TPST2: variants seen among roughly 807,000 people sequenced by gnomAD.
The protein encoded by TPST2 is tyrosylprotein sulfotransferase 2.
TPST2 carries 16 observed loss-of-function variants against 27.8 expected under a neutral mutation model. The observed-to-expected ratio is 0.58, with a 90% CI of 0.39 to 0.88. The LOEUF (loss-of-function observed/expected upper bound fraction) is 0.88, where lower values mean the gene tolerates loss of function less well. Among genes scored for constraint, TPST2 ranks in the 40% least tolerant of loss-of-function variants. The pLI is 0.00. For synonymous variants in TPST2, 229 were observed against 231.7 expected (o/e 0.99, Z 0.10); for missense variants, 464 against 543.1 (o/e 0.85, Z 1.45).
chr22:26,560,916 G>C, intron 1 of TPST2: 1 of 1,607,524 alleles, frequency 6.2e-7, no homozygotes, highest in Non-Finnish European at 8.5e-7. Context: ...GAAACTGGGA[G>C]AGATGTGGAA....
intron 1 of TPST2, chr22:26,555,321 C>T (rs769059822): frequency 3.9e-6 from 2 of 511,782 alleles, no homozygotes; most frequent in South Asian, 1.4e-5. Context: ...TCACTGGCTG[C>T]CCACCTGGGC....
chr22:26,531,977 C>G (rs960773943), intron 5 of TPST2, among the ~76,000 whole-genome samples: 3 of 152,140 alleles, frequency 2.0e-5, no homozygotes, highest in African/African-American at 2.4e-5. Context: ...CTACAAAAAA[C>G]ACAAAAATTA....
chr22:26,538,898 G>A (rs1352734992), intron 3 of TPST2, among the ~76,000 whole-genome samples: 1 of 152,118 alleles, frequency 6.6e-6, no homozygotes, highest in Non-Finnish European at 1.5e-5. Flanking sequence ...ACACCACCGT[G>A]GAAAAAGGCT....
In TPST2 at chr22:26,523,327, G is replaced by C. The variant is rs184048069; in HGVS notation, c.*2948C>G. 5 of 152,306 alleles carry C rather than the reference G, an allele frequency of 3.3e-5. No individual in the cohort carries two copies. Among genetic ancestry groups the C allele is most frequent in the Admixed American group, 3.3e-4 (5 of 15,294 alleles). The allele number at this position is 152,306 out of a possible 1,614,324, so 9.4% of individuals were successfully genotyped here. On this transcript the variant is annotated 3_prime_UTR_variant, in exon 7 of 7. Transcript: ENST00000338754. Reference sequence around the variant, plus strand: ...AAAAATTTAAAGTCTGGAAGACTATGTACAAACAGAAAATGGTAGCATTAC... The same window carrying C: ...AAAAATTTAAAGTCTGGAAGACTATCTACAAACAGAAAATGGTAGCATTAC...
chr22:26,578,641 A>C (rs1204898824), intron 1 of TPST2, among the ~76,000 whole-genome samples: 1 of 152,118 alleles, frequency 6.6e-6, no homozygotes, highest in Non-Finnish European at 1.5e-5. Flanking sequence ...CCCATCTCTC[A>C]GAAGTCGGTG....
At chr22:26,556,315 G>C (rs1269409664) in intron 1 of TPST2, among the ~76,000 whole-genome samples, 1 of 152,076 alleles carries the variant, frequency 6.6e-6, no homozygotes, top group East Asian at 1.9e-4. Context: ...GAGGTGGGCG[G>C]ATCACCTGAG....
chr22:26,528,320 G>T, intron 5 of TPST2, 58 bp from the exon 6 acceptor site: 2 of 1,539,490 alleles, frequency 1.3e-6, no homozygotes, highest in Non-Finnish European at 1.8e-6. Flanking sequence ...ATGCCTTGCT[G>T]TATTGAGGGT....
intron 1 of TPST2, among the ~76,000 whole-genome samples, chr22:26,574,702 C>T (rs1339143083): frequency 6.6e-6 from 1 of 152,134 alleles, no homozygotes; most frequent in Non-Finnish European, 1.5e-5. Flanking sequence ...GAGGAAAAGG[C>T]GACAGTGAGC....
At chr22:26,589,592 T>C (rs1928473526) in intron 1 of TPST2, among the ~76,000 whole-genome samples, 1 of 152,030 alleles carries the variant, frequency 6.6e-6, no homozygotes. Flanking sequence ...CCCCAACGCC[T>C]CCACTTCTGA....
chr22:26,583,037 G>A (rs867587333), intron 1 of TPST2, among the ~76,000 whole-genome samples: 8 of 148,674 alleles, frequency 5.4e-5, no homozygotes, highest in East Asian at 2.0e-4. Flanking sequence ...GCTTGAGCCT[G>A]GGAGGCAGAG....
In TPST2 at chr22:26,536,297, G is replaced by A. The variant is rs148351395; in HGVS notation, c.1032C>T (p.Asn344=). The A allele has an allele frequency of 2.5e-6, 4 of 1,614,084 alleles. No individual in the cohort carries two copies. The highest frequency in any genetic ancestry group is 2.2e-5 in the East Asian group (1 of 44,888). Residue 344 remains asparagine, a synonymous_variant, in exon 4 of 7, where the codon AAC becomes AAT. Coordinates refer to ENST00000338754, the MANE Select transcript of TPST2 (RefSeq NM_003595.5). ...YGNPDPFVIN[N]TQRVLKGDYK... is the part of the protein sequence containing the mutation. The stretch of plus-strand genomic sequence containing the variant: ...ACAGGTGCACACTCACCCGCTGTGT[G>A]TTGTTGATGACGAAGGGGTCAGGGT...
Position 26,525,656 on chromosome 22 carries a change from T to G in TPST2, c.*619A>C, listed in dbSNP as rs911285563. 1 of 152,270 alleles carries G rather than the reference T, an allele frequency of 6.6e-6. No homozygotes were observed. Among genetic ancestry groups the G allele is most frequent in the African/African-American group, 2.4e-5 (1 of 41,460 alleles). 9.4% of individuals were successfully genotyped at this position (152,270 alleles called of 1,614,324 possible). On this transcript the variant is annotated 3_prime_UTR_variant, in exon 7 of 7. Coordinates refer to ENST00000338754, the MANE Select transcript of TPST2 (RefSeq NM_003595.5). ...GGACCCTGACACAGGAATTCAGCTG[T>G]GCCTTACATGCACCTATATTCTCCA...
chr22:26,552,396 G>A (rs995177868), intron 1 of TPST2, among the ~76,000 whole-genome samples: 10 of 152,148 alleles, frequency 6.6e-5, no homozygotes, highest in African/African-American at 1.9e-4. Flanking sequence ...ACGTTTTACC[G>A]AAGGGGAAAC....
At chr22:26,574,085 G>A (rs1463601966) in intron 1 of TPST2, among the ~76,000 whole-genome samples, 1 of 152,166 alleles carries the variant, frequency 6.6e-6, no homozygotes, top group Non-Finnish European at 1.5e-5. Context: ...TAATGGTGCA[G>A]GGCTTTGGGG....
intron 1 of TPST2, among the ~76,000 whole-genome samples, chr22:26,547,860 G>A (rs1926210658): frequency 6.6e-6 from 1 of 152,196 alleles, no homozygotes; most frequent in Admixed American, 6.5e-5. Flanking sequence ...TACTCGGGTG[G>A]TAGGTGATAT....
At chr22:26,532,638 C>T in intron 5 of TPST2, 57 bp downstream of exon 5, 4 of 1,564,162 alleles carry the variant, frequency 2.6e-6, no homozygotes, top group Non-Finnish European at 3.5e-6. Context: ...GGCATACAGC[C>T]AGATGGTGGT....
intron 1 of TPST2, among the ~76,000 whole-genome samples, chr22:26,568,376 G>A (rs1927460389): frequency 6.6e-6 from 1 of 152,182 alleles, no homozygotes; most frequent in Non-Finnish European, 1.5e-5. Context: ...AAATGAGGCT[G>A]AGACCTGCTG....
At chr22:26,545,459 T>C (rs1482204950) in intron 1 of TPST2, among the ~76,000 whole-genome samples, 3 of 152,240 alleles carry the variant, frequency 2.0e-5, no homozygotes, top group Admixed American at 6.5e-5. Flanking sequence ...GGGATCCTTA[T>C]AGCTTTAGGG....
chr22:26,585,649 G>A (rs573038096), intron 1 of TPST2, among the ~76,000 whole-genome samples: 1 of 152,310 alleles, frequency 6.6e-6, no homozygotes, highest in South Asian at 2.1e-4. Context: ...AGCCACACAA[G>A]CCACATGCAT....
Sources: gnomAD v4.1 joint callset for allele counts (sites outside exome capture counted in the v4.1 genomes callset) on GRCh38, gnomAD v4.1.1 for gene constraint, MANE v1.5 for transcripts, NCBI Gene and HGNC (gene_info 2026-07-23, HGNC 2026-07-21) for gene names.